Variants in NCAM1 observed in about 807,000 individuals in gnomAD.
NCAM1 encodes neural cell adhesion molecule 1.
Under a neutral mutation model 109.8 loss-of-function variants are expected in NCAM1, and 14 were observed. The observed-to-expected ratio is 0.13, with a 90% CI of 0.08 to 0.20. The LOEUF is 0.20. Among genes scored for constraint, NCAM1 ranks in the 10% least tolerant of loss-of-function variants. NCAM1 has a pLI of 1.00. For missense variants in NCAM1, 774 were observed against 1,109.9 expected (o/e 0.70, Z 4.30); for synonymous variants, 418 against 442.9 (o/e 0.94, Z 0.70).
chr11:113,068,537 CG>C (rs1258369181), intron 1 of NCAM1, among the ~76,000 whole-genome samples: 1 of 152,130 alleles, frequency 6.6e-6, no homozygotes, highest in Non-Finnish European at 1.5e-5. Flanking sequence ...GTTTTGGAAA[CG>C]CTGATCTGTA....
At chr11:112,977,876 G>A (rs1555067954) in intron 1 of NCAM1, among the ~76,000 whole-genome samples, 1 of 151,910 alleles carries the variant, frequency 6.6e-6, no homozygotes, top group East Asian at 1.9e-4. Context: ...CATGCACTAA[G>A]AAGTCCAATA....
intron 14 of NCAM1, 145 bp downstream of exon 14, chr11:113,235,309 A>T (rs782211703): frequency 6.6e-7 from 1 of 1,518,062 alleles, no homozygotes; most frequent in Non-Finnish European, 9.0e-7. Flanking sequence ...CCCACCTCCT[A>T]GTTCTCTGGT....
intron 1 of NCAM1, among the ~76,000 whole-genome samples, chr11:113,123,595 C>T (rs1245127): frequency 6.6e-6 from 1 of 152,142 alleles, no homozygotes; most frequent in African/African-American, 2.4e-5. Context: ...TTCTGTGGTA[C>T]CCCTGACTGG....
intron 19 of NCAM1, among the ~76,000 whole-genome samples, chr11:113,272,496 C>T (rs1295013675): frequency 3.3e-5 from 5 of 152,132 alleles, no homozygotes; most frequent in African/African-American, 1.2e-4. Flanking sequence ...CATCGGTGCC[C>T]TGGGGAGCCC....
chr11:113,161,275 C>T (rs1237086872), intron 1 of NCAM1, among the ~76,000 whole-genome samples: 3 of 152,092 alleles, frequency 2.0e-5, no homozygotes, highest in African/African-American at 4.8e-5. Flanking sequence ...TATTTCAGAA[C>T]GTTTTACTTC....
chr11:113,031,638 G>C (rs1952720897), intron 1 of NCAM1, among the ~76,000 whole-genome samples: 2 of 152,124 alleles, frequency 1.3e-5, no homozygotes, highest in South Asian at 4.2e-4. Context: ...GTTGCAGTGA[G>C]CTGAGATTGT....
At chr11:113,168,839 G>A (rs545891772) in intron 1 of NCAM1, among the ~76,000 whole-genome samples, 14 of 152,264 alleles carry the variant, frequency 9.2e-5, no homozygotes, top group Admixed American at 5.9e-4. Context: ...TGGGGTTGGG[G>A]AGCTGGGAAT....
intron 1 of NCAM1, among the ~76,000 whole-genome samples, chr11:113,027,540 G>T (rs765152865): frequency 2.0e-5 from 3 of 152,132 alleles, no homozygotes; most frequent in Non-Finnish European, 4.4e-5. Flanking sequence ...TCACTGTTCT[G>T]CCTTCAGCAA....
At chr11:113,111,521 G>C (rs939738930) in intron 1 of NCAM1, among the ~76,000 whole-genome samples, 1 of 152,184 alleles carries the variant, frequency 6.6e-6, no homozygotes, top group Admixed American at 6.5e-5. Flanking sequence ...GGGAGGTCTG[G>C]ACCACAGGAG....
At chr11:113,101,710 C>T (rs530404918) in intron 1 of NCAM1, among the ~76,000 whole-genome samples, 1 of 152,286 alleles carries the variant, frequency 6.6e-6, no homozygotes, top group South Asian at 2.1e-4. Context: ...GAATAGTTAA[C>T]ACCTGCAGTG....
chr11:113,117,411 C>A (rs1173849833), intron 1 of NCAM1, among the ~76,000 whole-genome samples: 2 of 151,952 alleles, frequency 1.3e-5, no homozygotes, highest in Non-Finnish European at 2.9e-5. Flanking sequence ...CAGCATTCAG[C>A]CTGGGGTACA....
At chr11:113,272,966 C>T in intron 19 of NCAM1, 1 of 456,856 alleles carries the variant, frequency 2.2e-6, no homozygotes, top group Non-Finnish European at 4.4e-6. Context: ...CTGTCGAGGA[C>T]ATGCTGCCTT....
intron 1 of NCAM1, among the ~76,000 whole-genome samples, chr11:113,173,282 A>C (rs1456198315): frequency 6.6e-6 from 1 of 152,166 alleles, no homozygotes; most frequent in Non-Finnish European, 1.5e-5. Context: ...TTTTAATTAG[A>C]AAAATTCTGC....
chr11:113,152,807 G>A (rs183936369), intron 1 of NCAM1, among the ~76,000 whole-genome samples: 1 of 152,316 alleles, frequency 6.6e-6, no homozygotes, highest in East Asian at 1.9e-4. Context: ...TAGGCAGAAT[G>A]AAATTCTAGA....
At position 113,152,939 on chromosome 11, in the gene NCAM1, A is replaced by T. The variant is rs1310786205; in HGVS notation, c.53-49440A>T. ...CTCATCTTTAGGCTTTATAAAGATG[A>T]CTCTGGTATAAGAGAAGAATGAATT... On this transcript the variant is annotated intron_variant, in intron 1 of 19. Coordinates refer to ENST00000316851, the MANE Select transcript of NCAM1 (RefSeq NM_181351.5). Among the ~76,000 whole-genome samples the T allele has an allele frequency of 1.3e-5, 2 of 152,012 alleles. 1 individual carries two copies. The highest frequency in any genetic ancestry group is 4.8e-5 in the African/African-American group (2 of 41,374).
intron 1 of NCAM1, among the ~76,000 whole-genome samples, chr11:113,158,818 A>C (rs1457117781): frequency 6.6e-6 from 1 of 152,188 alleles, no homozygotes; most frequent in African/African-American, 2.4e-5. Context: ...TTATTGGGTT[A>C]AGTAGGGTTG....
chr11:113,175,694 T>C (rs1943123361), intron 1 of NCAM1, among the ~76,000 whole-genome samples: 1 of 152,240 alleles, frequency 6.6e-6, no homozygotes, highest in African/African-American at 2.4e-5. Context: ...CTGTTTTTCA[T>C]ACCATTCACC....
At chr11:113,130,560 A>G (rs1941347518) in intron 1 of NCAM1, 1 of 152,252 alleles carries the variant, frequency 6.6e-6, no homozygotes, top group South Asian at 2.1e-4. Context: ...GGATACAAAT[A>G]ATAGGCTGAA....
At chr11:113,246,716 C>T (rs767174064) in intron 15 of NCAM1, among the ~76,000 whole-genome samples, 12 of 152,228 alleles carry the variant, frequency 7.9e-5, no homozygotes, top group Non-Finnish European at 1.8e-4. Context: ...AGCTTGATAG[C>T]ATTGTTATTT....
Sources: allele counts gnomAD v4.1 joint callset (sites outside exome capture counted in the v4.1 genomes callset), GRCh38; gene constraint gnomAD v4.1.1; transcripts MANE v1.5; gene names NCBI Gene and HGNC (gene_info 2026-07-23, HGNC 2026-07-21).